Variants in KIF6 observed in about 807,000 individuals in gnomAD.
The protein encoded by KIF6 is kinesin family member 6, also known as kinesin-like protein KIF6.
In KIF6, 106 loss-of-function variants were observed where a neutral mutation model predicts 112.7. The ratio of observed to expected loss-of-function variants is 0.94; its 90% CI spans 0.80 to 1.11. KIF6 has a LOEUF of 1.11. Ranked by LOEUF, KIF6 falls within the 50% of genes least tolerant of loss-of-function variation. The pLI is 0.00. For synonymous variants in KIF6, 339 were observed against 339.9 expected (o/e 1.00, Z 0.03); for missense variants, 929 against 964.0 (o/e 0.96, Z 0.48).
intron 3 of KIF6, among the ~76,000 whole-genome samples, chr6:39,702,087 G>T (rs565866787): frequency 6.6e-6 from 1 of 152,158 alleles, no homozygotes. Flanking sequence ...CAGACTTCCA[G>T]ATCTCTTAGG....
chr6:39,534,618 A>T (rs1240854841), intron 13 of KIF6, among the ~76,000 whole-genome samples: 1 of 152,226 alleles, frequency 6.6e-6, no homozygotes, highest in Non-Finnish European at 1.5e-5. Flanking sequence ...GGAGAATGGA[A>T]CCAAGTTGGA....
chr6:39,333,069 T>G lies in KIF6; in HGVS notation c.*3463A>C, dbSNP rs1762798908. ...CCAATGGCTGAAAACCATTGGTTTGTATAGAGGATTTTGTCTCATTTTTAG... is the reference window on the plus strand; with the variant it reads ...CCAATGGCTGAAAACCATTGGTTTGGATAGAGGATTTTGTCTCATTTTTAG... On this transcript the variant is annotated 3_prime_UTR_variant, in exon 23 of 23. Transcript: ENST00000287152. The G allele has an allele frequency of 6.6e-6, 1 of 152,262 alleles. No individual in the cohort carries two copies. Among genetic ancestry groups the G allele is most frequent in the Admixed American group, 6.5e-5 (1 of 15,294 alleles). The allele number at this position is 152,262 out of a possible 1,614,324, so 9.4% of individuals were successfully genotyped here.
intron 3 of KIF6, among the ~76,000 whole-genome samples, chr6:39,649,157 TAAATA>T (rs141161442): frequency 0.087 from 13,256 of 151,872 alleles, 1,115 homozygotes; most frequent in East Asian, 0.38. Flanking sequence ...AATAAGTAAA[TAAATA>T]AAATAAGTCA....
chr6:39,599,374 C>G (rs1231787523), intron 6 of KIF6, among the ~76,000 whole-genome samples: 1 of 152,152 alleles, frequency 6.6e-6, no homozygotes, highest in Non-Finnish European at 1.5e-5. Context: ...ACCAGAAATT[C>G]TTTCTGTAAA....
At position 39,456,541 on chromosome 6, in the gene KIF6, G is replaced by A. The variant is rs965102860; in HGVS notation, c.1646-25380C>T. Among the ~76,000 whole-genome samples the A allele has an allele frequency of 7.9e-5, 8 of 101,282 alleles. No individual in the cohort carries two copies. The Admixed American group carries it at 9.0e-4, about 11-fold the overall frequency. The allele number at this position is 101,282 out of a possible 152,430, so 66.4% of individuals were successfully genotyped here. A position where few individuals can be genotyped will look rare whatever the true frequency, so the allele number is the denominator to read the frequency against. On this transcript the variant is annotated intron_variant, in intron 13 of 22. Transcript: ENST00000287152. ...AACAATATTAACTTTAAATGTAAAT[G>A]GACTAAATTCTCCAATTAAAAGACA... is the stretch of plus-strand genomic sequence containing the variant.
At chr6:39,676,066 A>AAC (rs1450918501) in intron 3 of KIF6, among the ~76,000 whole-genome samples, 1 of 151,624 alleles carries the variant, frequency 6.6e-6, no homozygotes, top group Non-Finnish European at 1.5e-5. Context: ...AATATGGAAA[A>AAC]AAAAAAAAGA....
intron 6 of KIF6, among the ~76,000 whole-genome samples, chr6:39,606,974 T>C (rs1185399639): frequency 1.1e-4 from 16 of 152,208 alleles, no homozygotes; most frequent in Admixed American, 1.0e-3. Context: ...GTCAAATTCA[T>C]AGTATTTGGC....
At chr6:39,361,967 C>A (rs1387885741) in intron 17 of KIF6, among the ~76,000 whole-genome samples, 1 of 152,180 alleles carries the variant, frequency 6.6e-6, no homozygotes, top group African/African-American at 2.4e-5. Flanking sequence ...GCAGCTTGAT[C>A]AGCATGTGGA....
chr6:39,591,977 T>G (rs894015931), intron 7 of KIF6, among the ~76,000 whole-genome samples: 1 of 152,090 alleles, frequency 6.6e-6, no homozygotes, highest in Non-Finnish European at 1.5e-5. Context: ...CCAGGTGTGG[T>G]GGCTGGCGCC....
At chr6:39,560,348 T>C (rs1413312860) in intron 10 of KIF6, among the ~76,000 whole-genome samples, 1 of 152,246 alleles carries the variant, frequency 6.6e-6, no homozygotes, top group Non-Finnish European at 1.5e-5. Context: ...GCTATAAAAC[T>C]GTTTAGAACC....
intron 5 of KIF6, among the ~76,000 whole-genome samples, chr6:39,617,995 GA>G (rs1487485488): frequency 6.6e-6 from 1 of 152,208 alleles, no homozygotes; most frequent in African/African-American, 2.4e-5. Context: ...GGGAAAAGCA[GA>G]GATGTAAAGT....
chr6:39,719,122 C>A (rs1016315112), intron 2 of KIF6, among the ~76,000 whole-genome samples: 2 of 152,140 alleles, frequency 1.3e-5, no homozygotes, highest in African/African-American at 4.8e-5. Flanking sequence ...AGTTCGAGAC[C>A]AGCCTGGCCC....
At chr6:39,390,158 T>G (rs34369766) in intron 15 of KIF6, among the ~76,000 whole-genome samples, 5,490 of 152,214 alleles carry the variant, frequency 0.036, 177 homozygotes, top group Non-Finnish European at 0.048. Flanking sequence ...AATGTTATCA[T>G]TTGAAAAATG....
At chr6:39,597,459 A>G (rs1345312825) in intron 6 of KIF6, among the ~76,000 whole-genome samples, 1 of 152,246 alleles carries the variant, frequency 6.6e-6, no homozygotes, top group Non-Finnish European at 1.5e-5. Flanking sequence ...TCAGTGAGAC[A>G]TGCTGTGCTC....
chr6:39,684,789 C>G (rs541741219), intron 3 of KIF6, among the ~76,000 whole-genome samples: 11 of 142,388 alleles, frequency 7.7e-5, no homozygotes, highest in African/African-American at 2.9e-4. Flanking sequence ...AACTCTGTCT[C>G]GAAAAAAAAA....
chr6:39,498,217 T>G (rs946791828), intron 13 of KIF6, among the ~76,000 whole-genome samples: 1 of 152,218 alleles, frequency 6.6e-6, no homozygotes, highest in Non-Finnish European at 1.5e-5. Flanking sequence ...ATGATTCAGA[T>G]GCAGCTGAGC....
In KIF6 at chr6:39,391,116, G is replaced by C. The variant is rs9380856; in HGVS notation, c.1811-5444C>G. ...ACTACCTCTTCTCACCATAGCAGTG[G>C]TGGATAAAATAGAAAAGAGACTATC... is the stretch of plus-strand genomic sequence containing the variant. On this transcript the variant is annotated intron_variant, in intron 15 of 22. Coordinates refer to ENST00000287152, the MANE Select transcript of KIF6 (RefSeq NM_145027.6). Among the ~76,000 whole-genome samples the C allele has an allele frequency of 0.016, 2,387 of 152,272 alleles. 137 individuals are homozygous for C. In the East Asian group the frequency reaches 0.21, roughly 13 times the overall value.
At chr6:39,433,122 C>A (rs1771278602) in intron 13 of KIF6, among the ~76,000 whole-genome samples, 1 of 152,224 alleles carries the variant, frequency 6.6e-6, no homozygotes, top group Non-Finnish European at 1.5e-5. Flanking sequence ...ACTCCAGAGC[C>A]CACGGCACTG....
chr6:39,593,233 T>C (rs1782049021), intron 7 of KIF6, among the ~76,000 whole-genome samples: 1 of 152,188 alleles, frequency 6.6e-6, no homozygotes, highest in Non-Finnish European at 1.5e-5. Context: ...AACTAAATTG[T>C]GTTACACTTC....
Sources: gnomAD v4.1 joint callset for allele counts (sites outside exome capture counted in the v4.1 genomes callset) on GRCh38, gnomAD v4.1.1 for gene constraint, MANE v1.5 for transcripts, NCBI Gene and HGNC (gene_info 2026-07-23, HGNC 2026-07-21) for gene names.